The following NDRG2 variants were observed in gnomAD, a reference collection of about 807,000 sequenced individuals.
The protein encoded by NDRG2 is protein NDRG2.
NDRG2 carries 34 observed loss-of-function variants against 58.2 expected under a neutral mutation model. The ratio of observed to expected loss-of-function variants is 0.58; its 90% CI spans 0.44 to 0.78. The LOEUF is 0.78. Ranked by LOEUF, NDRG2 falls within the 30% of genes least tolerant of loss-of-function variation. The probability of loss-of-function intolerance (pLI) is 0.00; values close to 1 mark genes in which losing one functional copy is unlikely to be tolerated. For missense variants in NDRG2, 434 were observed against 471.2 expected (o/e 0.92, Z 0.73); for synonymous variants, 187 against 175.9 (o/e 1.06, Z -0.50).
chr14:21,018,661 T>G (rs1260952926), intron 12 of NDRG2, 102 bp downstream of exon 12: 1 of 1,583,752 alleles, frequency 6.3e-7, no homozygotes, highest in African/African-American at 1.3e-5. Flanking sequence ...AAAGTTGATC[T>G]CCCTGTGCCA....
intron 1 of NDRG2, among the ~76,000 whole-genome samples, chr14:21,067,701 C>G (rs1004911988): frequency 6.6e-6 from 1 of 151,758 alleles, no homozygotes; most frequent in Non-Finnish European, 1.5e-5. Context: ...ATAACTTTAC[C>G]CTTTCATATT....
Position 21,053,253 on chromosome 14 carries a change from C to T in NDRG2, c.24+17575G>A, listed in dbSNP as rs531341083. ...ATATCAGTACTTTGGGAGGCTGAGG[C>T]GAGTGGATCACTTGAGTCCAGGAGT... On this transcript the variant is annotated intron_variant, in intron 1 of 14. Coordinates refer to the NDRG2 transcript ENST00000403829. Among the ~76,000 whole-genome samples the T allele has an allele frequency of 1.1e-4, 16 of 152,220 alleles. No homozygotes were observed. The East Asian group carries it at 1.7e-3, about 17-fold the overall frequency.
chr14:21,027,441 C>G (rs1418781516), upstream of NDRG2, among the ~76,000 whole-genome samples: 1 of 152,190 alleles, frequency 6.6e-6, no homozygotes, highest in Non-Finnish European at 1.5e-5. Context: ...TGACATTTGT[C>G]AAGAGAAGGT....
At chr14:21,033,155 G>T in intron 1 of NDRG2, 1 of 375,384 alleles carries the variant, frequency 2.7e-6, no homozygotes, top group South Asian at 2.0e-5. Flanking sequence ...AAAAAGGAAG[G>T]CAGGGTGACT....
chr14:21,018,098 C>A, intron 14 of NDRG2, 60 bp from the exon 15 acceptor site: 4 of 1,604,128 alleles, frequency 2.5e-6, no homozygotes, highest in South Asian at 1.1e-5. Context: ...AGAGCTGGAG[C>A]CTGAGGCTGC....
rs771105156 is a variant in NDRG2, at chr14:21,018,433, G to A, written c.861+24C>T. ...TAGAGAGGATATATGACTGTGGACG[G>A]GGGCCCAGGAACAGGTTACTGACCT... On this transcript the variant is annotated intron_variant, in intron 13 of 15. Coordinates refer to ENST00000556147, the MANE Select transcript of NDRG2 (RefSeq NM_001320329.2). The A allele has an allele frequency of 5.0e-6, 8 of 1,613,322 alleles. No individual in the cohort carries two copies. In the Admixed American group the frequency reaches 1.2e-4, roughly 24 times the overall value.
chr14:21,031,420 T>G, intron 1 of NDRG2: 1 of 486,484 alleles, frequency 2.1e-6, no homozygotes, highest in Non-Finnish European at 3.5e-6. Context: ...CAATTAGGGC[T>G]TGGTAGCTTT....
chr14:21,020,305 A>G (rs189371572), intron 8 of NDRG2, 191 bp downstream of exon 8: 71 of 584,232 alleles, frequency 1.2e-4, no homozygotes, highest in African/African-American at 5.8e-4. Flanking sequence ...AAAAAAAAAA[A>G]AAAAAGAAAA....
chr14:21,036,959 G>A lies in NDRG2; in HGVS notation c.25-13638C>T, dbSNP rs538445650. Among the ~76,000 whole-genome samples the A allele has an allele frequency of 2.0e-5, 3 of 152,342 alleles. 1 individual carries two copies. The South Asian group carries it at 6.2e-4, about 32-fold the overall frequency. On this transcript the variant is annotated intron_variant, in intron 1 of 14. Coordinates refer to the NDRG2 transcript ENST00000403829. ...CTGAGCCTGGCTGACTCAGGCCTTT[G>A]CTTTGAGGAAGCCAACCACATTGTG...
At chr14:21,058,210 C>A in intron 1 of NDRG2, 3 of 1,614,140 alleles carry the variant, frequency 1.9e-6, no homozygotes, top group Non-Finnish European at 2.5e-6. Flanking sequence ...TGTCCCTGAC[C>A]ATGGGTGAGC....
chr14:21,060,692 A>G (rs150758086), intron 1 of NDRG2, among the ~76,000 whole-genome samples: 2 of 152,192 alleles, frequency 1.3e-5, no homozygotes, highest in Non-Finnish European at 2.9e-5. Flanking sequence ...TCTCAACCCA[A>G]AACACTCAGA....
chr14:21,017,304 C>A lies in NDRG2; in HGVS notation c.*292G>T. 1 of 467,760 alleles carries A rather than the reference C, an allele frequency of 2.1e-6. No individual in the cohort carries two copies. Among genetic ancestry groups the A allele is most frequent in the East Asian group, 4.2e-5 (1 of 23,946 alleles). 29.0% of individuals were successfully genotyped at this position (467,760 alleles called of 1,614,324 possible). On this transcript the variant is annotated 3_prime_UTR_variant, in exon 16 of 16. Transcript: ENST00000556147. ...CCTCTTACCCCTCAGCTATAGACAC[C>A]TAGATCAGGACAGAGGATGCATATG... is the stretch of plus-strand genomic sequence containing the variant.
chr14:21,034,554 G>T, intron 1 of NDRG2: 2 of 440,752 alleles, frequency 4.5e-6, no homozygotes, highest in South Asian at 4.8e-5. Flanking sequence ...CAGAATAAGA[G>T]CTCTAACTGG....
chr14:21,030,840 C>A, upstream of NDRG2: 1 of 1,535,380 alleles, frequency 6.5e-7, no homozygotes, highest in Non-Finnish European at 8.8e-7. Context: ...GGAACATTTG[C>A]AGTGGGCCTA....
rs550188905 is a variant in NDRG2 at position 21,022,114 on chromosome 14, C to G, written c.292G>C (p.Val98Leu). 6.2e-6 allele frequency: 10 copies of G among 1,614,162 alleles called. No individual in the cohort carries two copies. Among genetic ancestry groups the G allele is most frequent in the Non-Finnish European group, 8.5e-6 (10 of 1,180,040 alleles). The change falls in exon 5 of 16, where the codon GTT (valine) becomes CTT (leucine). Residue 98 changes from valine to leucine, a missense_variant. Transcript: ENST00000556147. ...TCCATTCCAGGGGCATCCACATGAA[C>G]CCGCACAAAGTTCTGAATGATTTCC... Reference protein sequence around the residue: ...MQEIIQNFVRVHVDAPGMEEG... With the variant: ...MQEIIQNFVRLHVDAPGMEEG...
At chr14:21,046,678 C>T (rs186109395) in intron 1 of NDRG2, among the ~76,000 whole-genome samples, 8 of 152,214 alleles carry the variant, frequency 5.3e-5, no homozygotes, top group African/African-American at 1.9e-4. Context: ...CAAGTATAAC[C>T]TTTGACTCCC....
intron 1 of NDRG2, among the ~76,000 whole-genome samples, chr14:21,046,495 C>T (rs1277249939): frequency 6.6e-6 from 1 of 152,094 alleles, no homozygotes. Context: ...GCCTGGGCAC[C>T]ACTGCACTCC....
chr14:21,032,521 C>G, intron 1 of NDRG2: 2 of 347,752 alleles, frequency 5.8e-6, no homozygotes, highest in South Asian at 4.3e-5. Flanking sequence ...CTCCACCTTC[C>G]TCATCTGTTG....
intron 11 of NDRG2, 113 bp from the exon 12 acceptor site, chr14:21,018,927 G>T: frequency 7.1e-7 from 1 of 1,401,070 alleles, no homozygotes; most frequent in Non-Finnish European, 9.9e-7. Flanking sequence ...AGACACTTCT[G>T]TGTCTCCCTG....
Sources: allele counts gnomAD v4.1 joint callset (sites outside exome capture counted in the v4.1 genomes callset), GRCh38; gene constraint gnomAD v4.1.1; transcripts MANE v1.5; gene names NCBI Gene and HGNC (gene_info 2026-07-23, HGNC 2026-07-21).